The following SCFD2 variants were observed in gnomAD, a reference collection of about 807,000 sequenced individuals.
SCFD2 encodes sec1 family domain containing 2.
SCFD2 carries 54 observed loss-of-function variants against 58.9 expected under a neutral mutation model. That is an observed-to-expected ratio of 0.92 (90% CI 0.74 to 1.15). The LOEUF (loss-of-function observed/expected upper bound fraction) is 1.15. SCFD2 is among the 50% of genes most tolerant of loss of function. SCFD2 has a pLI of 0.00. For synonymous variants in SCFD2, 321 were observed against 335.9 expected (o/e 0.96, Z 0.49); for missense variants, 805 against 836.6 (o/e 0.96, Z 0.47).
At chr4:53,180,679 C>CA (rs1240533679) in intron 4 of SCFD2, among the ~76,000 whole-genome samples, 2 of 151,980 alleles carry the variant, frequency 1.3e-5, no homozygotes, top group East Asian at 1.9e-4. Context: ...AACAGAGACA[C>CA]AAAAAACCCT....
chr4:52,880,616 C>CA (rs33961681), intron 8 of SCFD2, among the ~76,000 whole-genome samples: 3,560 of 119,062 alleles, frequency 0.03, 180 homozygotes, highest in African/African-American at 0.1. Flanking sequence ...GACCCTGTCT[C>CA]AAAAAAAAAA....
At chr4:53,245,432 G>T (rs1289916942) in intron 4 of SCFD2, among the ~76,000 whole-genome samples, 1 of 152,152 alleles carries the variant, frequency 6.6e-6, no homozygotes, top group Non-Finnish European at 1.5e-5. Context: ...CTTTATCCAT[G>T]GAGTGCAAGG....
chr4:52,922,147 G>C (rs1273160328), intron 5 of SCFD2, among the ~76,000 whole-genome samples: 1 of 152,154 alleles, frequency 6.6e-6, no homozygotes, highest in African/African-American at 2.4e-5. Flanking sequence ...AGATAGTAGT[G>C]ATTTGAAGAC....
At chr4:53,318,368 T>C (rs1732925419) in intron 2 of SCFD2, among the ~76,000 whole-genome samples, 1 of 152,176 alleles carries the variant, frequency 6.6e-6, no homozygotes, top group African/African-American at 2.4e-5. Flanking sequence ...GATTCTATAT[T>C]CTATTTCCAG....
chr4:53,229,744 T>C (rs1035273068), intron 4 of SCFD2, among the ~76,000 whole-genome samples: 43 of 152,114 alleles, frequency 2.8e-4, no homozygotes, highest in Non-Finnish European at 1.0e-4. Flanking sequence ...CCAAAAGCAA[T>C]GGCAACAAAA....
At chr4:53,213,277 T>G (rs1156311762) in intron 4 of SCFD2, among the ~76,000 whole-genome samples, 1 of 152,114 alleles carries the variant, frequency 6.6e-6, no homozygotes, top group Non-Finnish European at 1.5e-5. Context: ...CCCTTTATGT[T>G]TTATTGCTGC....
At chr4:52,979,254 G>C (rs1278538031) in intron 5 of SCFD2, among the ~76,000 whole-genome samples, 1 of 152,064 alleles carries the variant, frequency 6.6e-6, no homozygotes, top group Non-Finnish European at 1.5e-5. Context: ...AGGTTTTCTA[G>C]GGGCTGATGC....
intron 3 of SCFD2, among the ~76,000 whole-genome samples, chr4:53,288,280 C>T (rs1238476525): frequency 6.6e-6 from 1 of 151,998 alleles, no homozygotes; most frequent in East Asian, 1.9e-4. Context: ...TATAAATATT[C>T]TCATTATGGT....
At chr4:53,036,030 C>T (rs1298621430) in intron 5 of SCFD2, among the ~76,000 whole-genome samples, 2 of 151,636 alleles carry the variant, frequency 1.3e-5, no homozygotes, top group African/African-American at 4.8e-5. Flanking sequence ...GCACCCATAT[C>T]GTTTTTGTTT....
chr4:53,264,863 C>T (rs751187010), intron 4 of SCFD2, among the ~76,000 whole-genome samples: 2 of 152,066 alleles, frequency 1.3e-5, no homozygotes, highest in Admixed American at 6.6e-5. Flanking sequence ...AAATAGATGC[C>T]TATTTTTTAT....
intron 5 of SCFD2, among the ~76,000 whole-genome samples, chr4:53,078,174 G>A (rs1423141687): frequency 3.3e-5 from 5 of 152,094 alleles, no homozygotes; most frequent in Admixed American, 2.6e-4. Flanking sequence ...TTACTTTATA[G>A]ACAAGGAACT....
rs1413927424 is a variant in SCFD2, at chr4:53,239,102, C to T, written c.1311+34724G>A. On this transcript the variant is annotated intron_variant, in intron 4 of 8. Transcript: ENST00000401642. The stretch of plus-strand genomic sequence containing the variant: ...CACTGAGTGAACGAGACTCCATCTG[C>T]AATCCCAGCACCTCAGGAGGCCGAG... Among the ~76,000 whole-genome samples the T allele has an allele frequency of 1.5e-4, 23 of 150,464 alleles. No individual in the cohort carries two copies. The South Asian group carries it at 4.7e-3, about 31-fold the overall frequency.
chr4:53,258,545 T>C lies in SCFD2; in HGVS notation c.1311+15281A>G, dbSNP rs995318503. Among the ~76,000 whole-genome samples the C allele has an allele frequency of 1.0e-3, 18 of 17,556 alleles. 1 individual carries two copies. In the East Asian group the frequency reaches 0.018, roughly 18 times the overall value. 11.5% of individuals were successfully genotyped at this position (17,556 alleles called of 152,430 possible). Reference sequence around the variant, plus strand: ...GTATTCCATGGTGTGTGTGTATATATATATATATATATATATATATATATA... The same window carrying C: ...GTATTCCATGGTGTGTGTGTATATACATATATATATATATATATATATATA... On this transcript the variant is annotated intron_variant, in intron 4 of 8. Transcript: ENST00000401642.
chr4:53,175,728 A>G (rs1236311714), intron 4 of SCFD2, among the ~76,000 whole-genome samples: 1 of 152,206 alleles, frequency 6.6e-6, no homozygotes, highest in African/African-American at 2.4e-5. Context: ...TCAAAAATGG[A>G]AAAGCACACT....
At chr4:53,207,960 T>TTTTC (rs1491186704) in intron 4 of SCFD2, among the ~76,000 whole-genome samples, 1 of 101,184 alleles carries the variant, frequency 9.9e-6, no homozygotes, top group East Asian at 2.9e-4. Context: ...TTTTCTTTTC[T>TTTTC]TTTTTTTTTT....
intron 4 of SCFD2, among the ~76,000 whole-genome samples, chr4:53,149,217 A>T (rs952927606): frequency 6.6e-6 from 1 of 152,228 alleles, no homozygotes; most frequent in Non-Finnish European, 1.5e-5. Flanking sequence ...GGAAACAGGA[A>T]TCCTCAGAGA....
intron 5 of SCFD2, among the ~76,000 whole-genome samples, chr4:53,008,802 AGAATGT>A (rs1389980676): frequency 6.6e-6 from 1 of 152,248 alleles, no homozygotes; most frequent in African/African-American, 2.4e-5. Flanking sequence ...GAAACTTAAT[AGAATGT>A]GACTGGCCTC....
intron 5 of SCFD2, among the ~76,000 whole-genome samples, chr4:52,966,654 A>C (rs570583923): frequency 6.6e-6 from 1 of 152,236 alleles, no homozygotes. Flanking sequence ...TTATAAAAAA[A>C]GTGACAATAG....
At chr4:52,993,901 G>A (rs1577646762) in intron 5 of SCFD2, among the ~76,000 whole-genome samples, 1 of 152,236 alleles carries the variant, frequency 6.6e-6, no homozygotes. Context: ...TTGTCAAAAC[G>A]ATGACTGGGG....
Sources: gnomAD v4.1 joint callset for allele counts (sites outside exome capture counted in the v4.1 genomes callset) on GRCh38, gnomAD v4.1.1 for gene constraint, MANE v1.5 for transcripts, NCBI Gene and HGNC (gene_info 2026-07-23, HGNC 2026-07-21) for gene names.